The following IQGAP2 variants were observed in gnomAD, a reference collection of about 807,000 sequenced individuals.
The protein encoded by IQGAP2 is IQ motif containing GTPase activating protein 2.
A neutral mutation model predicts 201.3 loss-of-function variants in IQGAP2; 173 were observed. The observed-to-expected ratio is 0.86, with a 90% CI of 0.76 to 0.98. The LOEUF (loss-of-function observed/expected upper bound fraction) is 0.98. Ranked by LOEUF, IQGAP2 falls within the 50% of genes least tolerant of loss-of-function variation. IQGAP2 has a pLI of 0.00. For missense variants in IQGAP2, 1,687 were observed against 1,864.8 expected (o/e 0.90, Z 1.76); for synonymous variants, 675 against 673.9 (o/e 1.00, Z -0.03).
In IQGAP2 at chr5:76,641,176, T is replaced by G; in HGVS notation, c.2094+73T>G. 2.6e-6 allele frequency: 3 copies of G among 1,167,082 alleles called. 1 individual carries two copies. Among genetic ancestry groups the G allele is most frequent in the Non-Finnish European group, 3.6e-6 (3 of 826,108 alleles). The allele number at this position is 1,167,082 out of a possible 1,614,324, so 72.3% of individuals were successfully genotyped here. ...GAAAATGTTTTATTTGATAATAGAA[T>G]AGTCAACTACCAGCATTCCTATAAA... On this transcript the variant is annotated intron_variant, in intron 17 of 35. Transcript: ENST00000274364.
chr5:76,514,565 A>G (rs967851582), intron 2 of IQGAP2, among the ~76,000 whole-genome samples: 2 of 152,172 alleles, frequency 1.3e-5, no homozygotes, highest in African/African-American at 4.8e-5. Flanking sequence ...CCCCTGGGGA[A>G]AAACCTTTGT....
At chr5:76,515,165 T>A (rs990055865) in intron 2 of IQGAP2, among the ~76,000 whole-genome samples, 2 of 152,256 alleles carry the variant, frequency 1.3e-5, no homozygotes, top group African/African-American at 4.8e-5. Flanking sequence ...TCTAACCACA[T>A]GCAAAAGAAG....
At chr5:76,539,089 G>A (rs1759785007) in intron 2 of IQGAP2, among the ~76,000 whole-genome samples, 2 of 152,180 alleles carry the variant, frequency 1.3e-5, no homozygotes, top group Non-Finnish European at 2.9e-5. Context: ...GCCCCATCAG[G>A]CTTCAACTCC....
intron 1 of IQGAP2, among the ~76,000 whole-genome samples, chr5:76,422,074 C>T (rs1751760282): frequency 6.6e-6 from 1 of 152,108 alleles, no homozygotes; most frequent in African/African-American, 2.4e-5. Flanking sequence ...TTAGACAATT[C>T]CAATACACCA....
At chr5:76,643,031 C>A (rs916182390) in intron 17 of IQGAP2, among the ~76,000 whole-genome samples, 2 of 152,088 alleles carry the variant, frequency 1.3e-5, no homozygotes, top group Non-Finnish European at 2.9e-5. Flanking sequence ...AAAAAAAAAT[C>A]TGTTCATAAA....
intron 29 of IQGAP2, among the ~76,000 whole-genome samples, chr5:76,683,468 A>G (rs542303177): frequency 9.2e-5 from 14 of 152,348 alleles, no homozygotes; most frequent in African/African-American, 2.6e-4. Flanking sequence ...GGAATTGTCA[A>G]CCTGTATTAT....
At chr5:76,562,326 C>A in intron 2 of IQGAP2, 70 bp from the exon 3 acceptor site, 1 of 1,128,862 alleles carries the variant, frequency 8.9e-7, no homozygotes, top group Non-Finnish European at 1.3e-6. Context: ...CAGCGAAATG[C>A]TGCATGCCTT....
intron 2 of IQGAP2, among the ~76,000 whole-genome samples, chr5:76,503,903 T>C (rs1053828111): frequency 1.3e-5 from 2 of 152,166 alleles, no homozygotes; most frequent in Non-Finnish European, 2.9e-5. Context: ...TCAGCTTACT[T>C]TTCTTTTAGG....
At chr5:76,491,805 A>G (rs986245145) in intron 2 of IQGAP2, among the ~76,000 whole-genome samples, 7 of 152,162 alleles carry the variant, frequency 4.6e-5, no homozygotes, top group Non-Finnish European at 7.3e-5. Context: ...TATGTCTCGG[A>G]ACATGCTGCT....
chr5:76,514,152 T>G (rs1758159764), intron 2 of IQGAP2, among the ~76,000 whole-genome samples: 1 of 150,928 alleles, frequency 6.6e-6, no homozygotes, highest in South Asian at 2.1e-4. Flanking sequence ...GCTTCCCGAG[T>G]AGATGGGATT....
At chr5:76,405,907 G>A (rs1266046615) in intron 1 of IQGAP2, among the ~76,000 whole-genome samples, 1 of 152,182 alleles carries the variant, frequency 6.6e-6, no homozygotes, top group African/African-American at 2.4e-5. Flanking sequence ...GTTACCCCTA[G>A]CATTTAAAAA....
intron 7 of IQGAP2, among the ~76,000 whole-genome samples, chr5:76,590,111 G>A (rs1354393623): frequency 1.3e-5 from 2 of 152,170 alleles, no homozygotes; most frequent in Non-Finnish European, 2.9e-5. Context: ...TGACCAGAGG[G>A]CAAGGATTGA....
In IQGAP2 at chr5:76,671,774, G is replaced by A. The variant is rs891398756; in HGVS notation, c.2859G>A (p.Gln953=). 6.2e-7 allele frequency: 1 copy of A among 1,613,532 alleles called. No homozygotes were observed. The highest frequency in any genetic ancestry group is 8.5e-7 in the Non-Finnish European group (1 of 1,179,576). ...GCTTTTTTAGATCAAAAGTGGACCA[G>A]GTACAGGACATAGTTACTGGTAACC... ...LEEEIKSKVD[Q]VQDIVTGNPT... is the part of the protein sequence containing the mutation. Residue 953 remains glutamine (Q), a synonymous_variant, in exon 24 of 36, where the codon CAG becomes CAA. Transcript: ENST00000274364.
chr5:76,495,733 G>A (rs1756854363), intron 2 of IQGAP2, among the ~76,000 whole-genome samples: 1 of 152,224 alleles, frequency 6.6e-6, no homozygotes, highest in African/African-American at 2.4e-5. Context: ...TGAAGAGGTA[G>A]CCTGTGTACC....
chr5:76,471,599 G>T (rs1418451591), intron 2 of IQGAP2, among the ~76,000 whole-genome samples: 1 of 152,074 alleles, frequency 6.6e-6, no homozygotes, highest in Non-Finnish European at 1.5e-5. Context: ...TCAAGCTCTG[G>T]CCTTATCTAG....
intron 4 of IQGAP2, among the ~76,000 whole-genome samples, chr5:76,571,088 C>T (rs1050952429): frequency 3.4e-5 from 5 of 147,826 alleles, no homozygotes; most frequent in African/African-American, 1.3e-4. Flanking sequence ...TGGCAAGACC[C>T]TGTCTCTATT....
At chr5:76,664,343 A>G (rs1185073914) in intron 21 of IQGAP2, among the ~76,000 whole-genome samples, 3 of 152,186 alleles carry the variant, frequency 2.0e-5, no homozygotes, top group African/African-American at 7.2e-5. Context: ...GTTAAGTTCT[A>G]TGGGCGTGGT....
chr5:76,599,060 C>T (rs947422388), intron 10 of IQGAP2, among the ~76,000 whole-genome samples: 1 of 151,988 alleles, frequency 6.6e-6, no homozygotes, highest in Non-Finnish European at 1.5e-5. Flanking sequence ...TGAGTGGTAG[C>T]ATTTGTTTTC....
At chr5:76,676,325 G>A (rs562212841) in intron 27 of IQGAP2, among the ~76,000 whole-genome samples, 1 of 152,226 alleles carries the variant, frequency 6.6e-6, no homozygotes, top group South Asian at 2.1e-4. Flanking sequence ...AAGCAGCATA[G>A]GAAAGCCGAC....
Sources: allele counts gnomAD v4.1 joint callset (sites outside exome capture counted in the v4.1 genomes callset), GRCh38; gene constraint gnomAD v4.1.1; transcripts MANE v1.5; gene names NCBI Gene and HGNC (gene_info 2026-07-23, HGNC 2026-07-21).